PSMD6: variants seen among roughly 807,000 people sequenced by gnomAD.
The protein encoded by PSMD6 is proteasome 26S subunit, non-ATPase 6, also known as 26S proteasome non-ATPase regulatory subunit 6.
PSMD6 carries 7 observed loss-of-function variants against 44.9 expected under a neutral mutation model. The ratio of observed to expected loss-of-function variants is 0.16; its 90% CI spans 0.09 to 0.29. PSMD6 has a LOEUF of 0.29. Among genes scored for constraint, PSMD6 ranks in the 10% least tolerant of loss-of-function variants. PSMD6 has a pLI of 1.00. For missense variants in PSMD6, 420 were observed against 482.6 expected (o/e 0.87, Z 1.21); for synonymous variants, 184 against 172.7 (o/e 1.07, Z -0.51).
chr3:64,010,833 C>CTTTT lies in PSMD6; in HGVS notation c.1073+41_1073+44dup, dbSNP rs372965754. On this transcript the variant is annotated intron_variant, in intron 7 of 7. Transcript: ENST00000295901. ...TTATTCCATGACAATAGTTGACCTACTTTTAAAATTTAGGAATGCCCCTTA... is the reference window on the plus strand; with the variant it reads ...TTATTCCATGACAATAGTTGACCTACTTTTTTTTAAAATTTAGGAATGCCCCTTA... The CTTTT allele has an allele frequency of 2.9e-3, 4,645 of 1,577,908 alleles. 14 individuals carry two copies. Among genetic ancestry groups the CTTTT allele is most frequent in the Non-Finnish European group, 3.1e-3 (3,602 of 1,152,648 alleles).
In PSMD6 at chr3:64,013,303, A is replaced by T. The variant is rs192718457; in HGVS notation, c.995+136T>A. The T allele has an allele frequency of 4.2e-4, 350 of 835,918 alleles. No individual in the cohort carries two copies. In the African/African-American group the frequency reaches 5.8e-3, roughly 14 times the overall value. 51.8% of individuals were successfully genotyped at this position (835,918 alleles called of 1,614,324 possible). A position where few individuals can be genotyped will look rare whatever the true frequency, so the allele number is the denominator to read the frequency against. ...GCAACAGGATACGAATGTTTTGATA[A>T]TACTGAGGAAAAAAACCTCTCCCCT... is the stretch of plus-strand genomic sequence containing the variant. On this transcript the variant is annotated intron_variant, in intron 6 of 7. Coordinates refer to ENST00000295901, the MANE Select transcript of PSMD6 (RefSeq NM_014814.3).
intron 6 of PSMD6, chr3:64,012,208 T>TA (rs2075968470): frequency 6.6e-6 from 1 of 152,108 alleles, no homozygotes; most frequent in Admixed American, 6.6e-5. Context: ...GTTCGAAATT[T>TA]AAAAAATACT....
At position 64,021,531 on chromosome 3, in the gene PSMD6, G is replaced by A. The variant is rs531198859; in HGVS notation, c.351+787C>T. 8.5e-5 allele frequency among the ~76,000 whole-genome samples: 13 copies of A among 152,186 alleles called. No individual in the cohort carries two copies. The South Asian group carries it at 1.7e-3, about 19-fold the overall frequency. On this transcript the variant is annotated intron_variant, in intron 2 of 7. Transcript: ENST00000295901. ...TTTACGTAAAAAAGATTTTATGACC[G>A]GGTGCACTGGCTCACGCCTATAATC...
At chr3:64,015,210 T>C (rs920049690) in intron 5 of PSMD6, 1 of 152,226 alleles carries the variant, frequency 6.6e-6, no homozygotes, top group African/African-American at 2.4e-5. Context: ...TCTCAAATGC[T>C]ATAGATTGAG....
intron 5 of PSMD6, chr3:64,018,364 A>G (rs2076079973): frequency 2.8e-6 from 1 of 354,160 alleles, no homozygotes; most frequent in African/African-American, 2.1e-5. Flanking sequence ...CTCCTTTTTT[A>G]AACAACACTT....
upstream of PSMD6, chr3:64,023,621 G>T (rs529481877): frequency 1.4e-4 from 198 of 1,416,876 alleles, no homozygotes; most frequent in Middle Eastern, 7.8e-4. Flanking sequence ...GGTCACGGGG[G>T]CTTTTCCACC....
chr3:64,018,111 A>G (rs115326553), intron 5 of PSMD6, among the ~76,000 whole-genome samples: 303 of 152,338 alleles, frequency 2.0e-3, no homozygotes, highest in African/African-American at 7.0e-3. Context: ...AGATTTAGCT[A>G]TTTAGCTATT....
At chr3:64,011,521 A>C (rs2075950509) in intron 6 of PSMD6, 1 of 150,030 alleles carries the variant, frequency 6.7e-6, no homozygotes, top group Admixed American at 6.6e-5. Context: ...AGAATAAAGA[A>C]TCCATGACAA....
chr3:64,012,346 T>C (rs1230693904), intron 6 of PSMD6: 2 of 152,222 alleles, frequency 1.3e-5, no homozygotes, highest in South Asian at 4.1e-4. Context: ...AGATGCCATC[T>C]GGACATCCCA....
intron 1 of PSMD6, chr3:64,022,755 G>C: frequency 6.5e-7 from 1 of 1,536,416 alleles, no homozygotes. Context: ...TAGGGCTGGA[G>C]GGAGGGCAAT....
chr3:64,013,383 C>G (rs2075993024), intron 6 of PSMD6, 56 bp downstream of exon 6: 6 of 1,448,790 alleles, frequency 4.1e-6, no homozygotes. Flanking sequence ...TACAAGTTCA[C>G]ATATTTTAAA....
intron 5 of PSMD6, chr3:64,017,426 T>A (rs1169995517): frequency 6.6e-6 from 1 of 151,754 alleles, no homozygotes; most frequent in Non-Finnish European, 1.5e-5. Flanking sequence ...GAGCATACAA[T>A]AAGAATCCCA....
intron 3 of PSMD6, 96 bp from the exon 4 acceptor site, chr3:64,019,133 C>G: frequency 1.4e-6 from 2 of 1,406,922 alleles, no homozygotes; most frequent in South Asian, 2.5e-5. Context: ...CAACTTTTAA[C>G]AACTTGAACC....
intron 1 of PSMD6, chr3:64,022,794 C>T (rs1185018581): frequency 2.0e-6 from 3 of 1,536,226 alleles, no homozygotes; most frequent in Non-Finnish European, 2.6e-6. Flanking sequence ...GGATTCTGTT[C>T]CAAAAGTCTT....
chr3:64,013,674 G>C, intron 5 of PSMD6, 67 bp from the exon 6 acceptor site: 1 of 1,414,080 alleles, frequency 7.1e-7, no homozygotes, highest in Non-Finnish European at 9.5e-7. Flanking sequence ...AAAAACTAAA[G>C]CAACACTACT....
intron 5 of PSMD6, 196 bp downstream of exon 5, chr3:64,018,403 T>A (rs1296720577): frequency 2.5e-5 from 12 of 476,116 alleles, no homozygotes; most frequent in Non-Finnish European, 4.2e-5. Context: ...TCTTACCTCC[T>A]GGGCCATACA....
chr3:64,022,429 C>A lies in PSMD6; in HGVS notation c.240G>T (p.Glu80Asp), dbSNP rs766512436. Residue 80 changes from glutamate to aspartate, a missense_variant, in exon 2 of 8, where the codon GAG (glutamate) becomes GAT (aspartate). By Grantham distance (45) the Glu-to-Asp change is conservative. Around this residue, in one of 4 missense-constraint regions of PSMD6, gnomAD observed 136 missense variants for 124.2 expected, o/e 1.09. Coordinates refer to ENST00000295901, the MANE Select transcript of PSMD6 (RefSeq NM_014814.3). ...CCAGCTCCTCATCCAAACGCTTCAACTCATCTTCATTTGCCTTCTTCATTT... is the reference window on the plus strand; with the variant it reads ...CCAGCTCCTCATCCAAACGCTTCAAATCATCTTCATTTGCCTTCTTCATTT... ...LNKMKKANEDELKRLDEELED... is the reference protein window; with the variant it reads ...LNKMKKANEDDLKRLDEELED... The A allele has an allele frequency of 1.1e-5, 17 of 1,614,128 alleles. No homozygotes were observed. The South Asian group carries it at 1.5e-4, about 15-fold the overall frequency.
chr3:64,018,095 GCA>G (rs926271687), intron 5 of PSMD6, among the ~76,000 whole-genome samples: 2 of 152,188 alleles, frequency 1.3e-5, no homozygotes, highest in Admixed American at 6.5e-5. Context: ...TTGCAAATCA[GCA>G]CAGAGATTTA....
At chr3:64,023,928 C>T, upstream of PSMD6, 1 of 1,057,808 alleles carries the variant, frequency 9.5e-7, no homozygotes, top group African/African-American at 1.6e-5. Context: ...GGAAACAGAC[C>T]AACCAAGGTC....
Sources: gnomAD v4.1 joint callset for allele counts (sites outside exome capture counted in the v4.1 genomes callset) on GRCh38, gnomAD v4.1.1 for gene constraint, gnomAD v4.1.1 regional missense constraint, MANE v1.5 for transcripts, NCBI Gene and HGNC (gene_info 2026-07-23, HGNC 2026-07-21) for gene names.